Variants in FRRS1 observed in about 807,000 individuals in gnomAD.
The protein encoded by FRRS1 is ferric chelate reductase 1.
In FRRS1, 51 loss-of-function variants were observed where a neutral mutation model predicts 70.7. The observed-to-expected ratio is 0.72, with a 90% CI of 0.58 to 0.91. The LOEUF is 0.91. Among genes scored for constraint, FRRS1 ranks in the 40% least tolerant of loss-of-function variants. The pLI is 0.00. For synonymous variants in FRRS1, 225 were observed against 238.7 expected (o/e 0.94, Z 0.53); for missense variants, 672 against 726.0 (o/e 0.93, Z 0.86).
At chr1:99,760,800 C>T (rs1212863283) in intron 1 of FRRS1, among the ~76,000 whole-genome samples, 4 of 152,132 alleles carry the variant, frequency 2.6e-5, no homozygotes, top group East Asian at 3.9e-4. Context: ...CAGGCACCTG[C>T]CACCATGCCT....
intron 9 of FRRS1, among the ~76,000 whole-genome samples, chr1:99,725,074 A>G (rs903655270): frequency 6.6e-6 from 1 of 152,056 alleles, no homozygotes; most frequent in Non-Finnish European, 1.5e-5. Flanking sequence ...TCCACCTTAG[A>G]TCAAAATGCA....
chr1:99,747,490 G>T, intron 3 of FRRS1, 60 bp from the exon 4 acceptor site: 1 of 1,511,140 alleles, frequency 6.6e-7, no homozygotes, highest in Admixed American at 2.0e-5. Context: ...AAAATGTTTA[G>T]AGGTTGTACA....
chr1:99,741,251 A>T (rs146133844), intron 5 of FRRS1, among the ~76,000 whole-genome samples: 1 of 152,346 alleles, frequency 6.6e-6, no homozygotes, highest in Non-Finnish European at 1.5e-5. Flanking sequence ...CATATGAAGA[A>T]CATACTACAA....
chr1:99,747,880 G>GA (rs1338489469), intron 3 of FRRS1: 1 of 152,460 alleles, frequency 6.6e-6, no homozygotes, highest in Non-Finnish European at 1.5e-5. Flanking sequence ...CTCATTAGAG[G>GA]AAAAAACATG....
At chr1:99,739,880 GT>G (rs140941684) in intron 6 of FRRS1, among the ~76,000 whole-genome samples, 18 of 150,260 alleles carry the variant, frequency 1.2e-4, no homozygotes, top group East Asian at 3.9e-4. Flanking sequence ...TTCTCAACAC[GT>G]TTTTTTTTTA....
intron 1 of FRRS1, among the ~76,000 whole-genome samples, chr1:99,759,174 T>C (rs886173499): frequency 6.6e-5 from 10 of 152,204 alleles, no homozygotes; most frequent in African/African-American, 2.4e-4. Context: ...TTGAAGCGTG[T>C]GATCTTTGTG....
In FRRS1 at chr1:99,725,532, G is replaced by A. The variant is rs138683681; in HGVS notation, c.1006+2961C>T. 3.4e-3 allele frequency among the ~76,000 whole-genome samples: 523 copies of A among 152,232 alleles called. 5 individuals are homozygous for A. The highest frequency in any genetic ancestry group is 0.012 in the African/African-American group (478 of 41,536). On this transcript the variant is annotated intron_variant, in intron 9 of 16. Coordinates refer to ENST00000646001, the MANE Select transcript of FRRS1 (RefSeq NM_001361041.2). The stretch of plus-strand genomic sequence containing the variant: ...AAAGAGACTCAGTGGGTCTGAGATG[G>A]GGTTCAGGAATCTGCATTGCTAGCA...
At chr1:99,762,759 C>T (rs928890837) in intron 1 of FRRS1, among the ~76,000 whole-genome samples, 1 of 152,108 alleles carries the variant, frequency 6.6e-6, no homozygotes, top group Non-Finnish European at 1.5e-5. Flanking sequence ...GATTTCAAAC[C>T]CCGAACTCTC....
intron 11 of FRRS1, among the ~76,000 whole-genome samples, chr1:99,716,142 T>A (rs564237467): frequency 1.3e-5 from 2 of 152,334 alleles, no homozygotes; most frequent in East Asian, 3.9e-4. Flanking sequence ...TAATTCATGA[T>A]ACAAATTAGG....
chr1:99,742,867 ACTTATGTGTT>A (rs1656042553), intron 4 of FRRS1, among the ~76,000 whole-genome samples: 3 of 152,288 alleles, frequency 2.0e-5, no homozygotes, highest in South Asian at 4.1e-4. Context: ...ACACGGTTCT[ACTTATGTGTT>A]CATAGATGTG....
rs1362480934 is a variant in FRRS1 at position 99,729,598 on chromosome 1, A to C, written c.858+52T>G. 6.1e-6 allele frequency: 7 copies of C among 1,139,034 alleles called. No individual in the cohort carries two copies. In the Admixed American group the frequency reaches 1.1e-4, roughly 18 times the overall value. The allele number at this position is 1,139,034 out of a possible 1,614,324, so 70.6% of individuals were successfully genotyped here. A position where few individuals can be genotyped will look rare whatever the true frequency, so the allele number is the denominator to read the frequency against. On this transcript the variant is annotated intron_variant, in intron 8 of 16. Coordinates refer to ENST00000646001, the MANE Select transcript of FRRS1 (RefSeq NM_001361041.2). ...GCACAGCCACGCCAGTGATAGCCAC[A>C]CAGCCGGAAAGCGGGTCTCCAGGTG...
At chr1:99,731,713 G>C (rs1475221112) in intron 7 of FRRS1, among the ~76,000 whole-genome samples, 1 of 152,146 alleles carries the variant, frequency 6.6e-6, no homozygotes, top group Non-Finnish European at 1.5e-5. Flanking sequence ...ATCATCTATG[G>C]CTGCTTTTAT....
chr1:99,710,139 A>G (rs935307331), intron 15 of FRRS1, among the ~76,000 whole-genome samples: 7 of 152,146 alleles, frequency 4.6e-5, no homozygotes, highest in Non-Finnish European at 1.0e-4. Context: ...ACTAGACAAC[A>G]AAGAATTTTT....
chr1:99,757,547 T>C (rs1257350604), intron 1 of FRRS1, among the ~76,000 whole-genome samples: 2 of 152,212 alleles, frequency 1.3e-5, no homozygotes, highest in African/African-American at 4.8e-5. Context: ...ATTCTCACAG[T>C]AATCTTCTGT....
At chr1:99,740,745 A>G in intron 6 of FRRS1, 48 bp downstream of exon 6, 1 of 1,333,408 alleles carries the variant, frequency 7.5e-7, no homozygotes, top group South Asian at 1.2e-5. Flanking sequence ...CGGCCTGGGC[A>G]ACATGGTGAA....
intron 9 of FRRS1, among the ~76,000 whole-genome samples, chr1:99,721,144 G>A (rs1275713862): frequency 1.3e-5 from 2 of 152,136 alleles, no homozygotes; most frequent in Non-Finnish European, 2.9e-5. Context: ...ACTTTGGGAG[G>A]CTGAGGTGGG....
At chr1:99,748,801 A>G (rs1282752735) in intron 2 of FRRS1, 33 bp from the exon 3 acceptor site, 1 of 1,513,082 alleles carries the variant, frequency 6.6e-7, no homozygotes. Context: ...CATTATTGTC[A>G]TATATAATTA....
chr1:99,753,379 A>G (rs1247679301), intron 1 of FRRS1, among the ~76,000 whole-genome samples: 1 of 151,738 alleles, frequency 6.6e-6, no homozygotes, highest in Admixed American at 6.6e-5. Context: ...AATTTTATAA[A>G]TTTTTTTATA....
intron 12 of FRRS1, 24 bp downstream of exon 12, chr1:99,715,562 A>C: frequency 7.3e-7 from 1 of 1,373,920 alleles, no homozygotes; most frequent in Non-Finnish European, 1.0e-6. Context: ...TTTATAAAAA[A>C]AACCCTATTT....
Sources: gnomAD v4.1 joint callset for allele counts (sites outside exome capture counted in the v4.1 genomes callset) on GRCh38, gnomAD v4.1.1 for gene constraint, MANE v1.5 for transcripts, NCBI Gene and HGNC (gene_info 2026-07-23, HGNC 2026-07-21) for gene names.